RTEL1: variants seen among roughly 807,000 people sequenced by gnomAD.
RTEL1 encodes the protein regulator of telomere length.
In RTEL1, 86 loss-of-function variants were observed where a neutral mutation model predicts 162.2. The observed-to-expected ratio is 0.53, with a 90% CI of 0.45 to 0.63. The LOEUF is 0.63. RTEL1 is among the 30% of genes least tolerant of loss of function. The pLI, the probability that RTEL1 is intolerant of heterozygous loss-of-function variation, is 0.00. For synonymous variants in RTEL1, 958 were observed against 717.9 expected (o/e 1.33, Z -5.35); for missense variants, 1,941 against 1,750.2 (o/e 1.11, Z -1.95).
chr20:63,689,548 T>C lies in RTEL1; in HGVS notation c.1925T>C (p.Ile642Thr). 1 of 1,611,214 alleles carries C rather than the reference T, an allele frequency of 6.2e-7. No homozygotes were observed. The change falls in exon 23 of 35, where the codon ATT (isoleucine) becomes ACT (threonine). Residue 642 changes from isoleucine (I) to threonine (T), a missense_variant. Physicochemically the swap from Ile to Thr is moderately conservative, Grantham distance 89. Coordinates refer to ENST00000360203, the MANE Select transcript of RTEL1 (RefSeq NM_001283009.2). ...DFSDTNGRGV[I>T]VTGLPYPPRM... Reference sequence around the variant, plus strand: ...TCAGACACGAATGGCCGTGGTGTGATTGTCACGGGCCTCCCGTACCCCCCA... The same window carrying C: ...TCAGACACGAATGGCCGTGGTGTGACTGTCACGGGCCTCCCGTACCCCCCA...
At chr20:63,679,368 G>A (rs1381993793) in intron 12 of RTEL1, among the ~76,000 whole-genome samples, 1 of 152,170 alleles carries the variant, frequency 6.6e-6, no homozygotes, top group East Asian at 1.9e-4. Flanking sequence ...GTCCCCTCCT[G>A]TAGCTTCTGC....
chr20:63,675,071 C>G (rs950928295), intron 10 of RTEL1, among the ~76,000 whole-genome samples: 27 of 152,150 alleles, frequency 1.8e-4, no homozygotes, highest in African/African-American at 6.3e-4. Context: ...CCACGCCCAG[C>G]TAATTTTGTA....
chr20:63,681,281 C>T lies in RTEL1; in HGVS notation c.1191+562C>T, dbSNP rs6122145. On this transcript the variant is annotated intron_variant, in intron 14 of 34. Transcript: ENST00000360203. ...CTATGGCAGCACCTGCTTTCCCTGG[C>T]GTAGAGGTGCTTGTCCGGTTTGTGG... 3.6e-5 allele frequency: 35 copies of T among 985,390 alleles called. No homozygotes were observed. The East Asian group carries it at 3.5e-3, about 99-fold the overall frequency. 61.0% of individuals were successfully genotyped at this position (985,390 alleles called of 1,614,324 possible). A position where few individuals can be genotyped will look rare whatever the true frequency, so the allele number is the denominator to read the frequency against.
At position 63,666,065 on chromosome 20, in the gene RTEL1, C is replaced by CGGAA; in HGVS notation, c.602_605dup (p.Ser202ArgfsTer41). 1.2e-6 allele frequency: 2 copies of CGGAA among 1,614,098 alleles called. No homozygotes were observed. Among genetic ancestry groups the CGGAA allele is most frequent in the Non-Finnish European group, 1.7e-6 (2 of 1,179,980 alleles). ...TGGACATTGAGGACTTGGTCAAGAG[C>CGGAA]GGAAGCAAGCACAGGTGAGACCCCT... On this transcript the variant is annotated frameshift_variant, in exon 7 of 35. Transcript: ENST00000360203. LOFTEE classifies it high-confidence loss of function.
intron 10 of RTEL1, among the ~76,000 whole-genome samples, chr20:63,674,979 C>T (rs1472291664): frequency 6.6e-6 from 1 of 151,570 alleles, no homozygotes; most frequent in Non-Finnish European, 1.5e-5. Context: ...GCGATCTTGG[C>T]TCACTGCAAC....
chr20:63,672,203 C>G (rs1403781929), intron 8 of RTEL1, among the ~76,000 whole-genome samples: 1 of 152,158 alleles, frequency 6.6e-6, no homozygotes, highest in African/African-American at 2.4e-5. Context: ...TTGTAAATCT[C>G]CCTGAGTGGG....
At chr20:63,659,545 A>G in intron 2 of RTEL1, 41 bp downstream of exon 2, 1 of 1,448,680 alleles carries the variant, frequency 6.9e-7, no homozygotes, top group Non-Finnish European at 9.7e-7. Context: ...GGGTGGGTGG[A>G]GCTTCAGCCA....
At chr20:63,693,088 C>A (rs1406925689) in intron 29 of RTEL1, 55 bp from the exon 30 acceptor site, 1 of 1,611,258 alleles carries the variant, frequency 6.2e-7, no homozygotes. Flanking sequence ...CCAAGGTGGT[C>A]TCTGTTCTCT....
chr20:63,694,943 T>TG lies in RTEL1; in HGVS notation c.3313dup (p.Ala1105GlyfsTer82). ...TGGCTGTGTTGGCCGCCCTGACCAC[T>TG]GCAAAGCCAGAGGACTTCCCCCTGC... On this transcript the variant is annotated frameshift_variant, in exon 32 of 35. Coordinates refer to ENST00000360203, the MANE Select transcript of RTEL1 (RefSeq NM_001283009.2). LOFTEE classifies it high-confidence loss of function. 1 of 1,612,320 alleles carries TG rather than the reference T, an allele frequency of 6.2e-7. No individual in the cohort carries two copies.
chr20:63,691,706 G>C (rs1488528646), intron 27 of RTEL1, 36 bp from the exon 28 acceptor site: 2 of 1,568,614 alleles, frequency 1.3e-6, no homozygotes, highest in Non-Finnish European at 8.8e-7. Flanking sequence ...TGTGTGGTTG[G>C]GGTCTGTGTG....
Position 63,689,875 on chromosome 20 carries a change from G to A in RTEL1, c.2141+10G>A. 6.2e-7 allele frequency: 1 copy of A among 1,602,418 alleles called. No individual in the cohort carries two copies. Among genetic ancestry groups the A allele is most frequent in the Non-Finnish European group, 8.5e-7 (1 of 1,176,340 alleles). ...TCCTCTGTGACCACAGGTGCGTGCA[G>A]TCCGGTGGCAGGCGCGGCGCCAGGG... On this transcript the variant is annotated intron_variant, in intron 24 of 34. Coordinates refer to ENST00000360203, the MANE Select transcript of RTEL1 (RefSeq NM_001283009.2).
At chr20:63,684,700 T>G (rs1211436906) in intron 14 of RTEL1, among the ~76,000 whole-genome samples, 1 of 152,016 alleles carries the variant, frequency 6.6e-6, no homozygotes, top group Non-Finnish European at 1.5e-5. Flanking sequence ...CTCGAACTCC[T>G]GACCTCAGGT....
chr20:63,695,753 G>A (rs1342974344), intron 34 of RTEL1, 25 bp from the exon 35 acceptor site: 1 of 1,590,418 alleles, frequency 6.3e-7, no homozygotes, highest in South Asian at 1.1e-5. Flanking sequence ...TGGCAGACGT[G>A]TGCAGTGGGC....
At chr20:63,674,650 A>G (rs2090313008) in intron 10 of RTEL1, among the ~76,000 whole-genome samples, 1 of 151,876 alleles carries the variant, frequency 6.6e-6, no homozygotes, top group African/African-American at 2.4e-5. Context: ...CCGGTGCCCC[A>G]GATGACTCCA....
intron 12 of RTEL1, 36 bp from the exon 13 acceptor site, chr20:63,679,813 C>G: frequency 3.2e-6 from 5 of 1,548,102 alleles, no homozygotes; most frequent in Non-Finnish European, 4.4e-6. Context: ...TCTGGTCCCC[C>G]CGCCAGGCTC....
chr20:63,694,861 G>C lies in RTEL1; in HGVS notation c.3230G>C (p.Ser1077Thr). The C allele has an allele frequency of 6.2e-7, 1 of 1,612,656 alleles. No individual in the cohort carries two copies. The highest frequency in any genetic ancestry group is 8.5e-7 in the Non-Finnish European group (1 of 1,179,854). ...ARRALGSAGC[S>T]QLLAALTAYK... ...AGGGCCCTGGGGTCCGCGGGCTGTA[G>C]CCAACTCTTGGCAGCGCTGACAGCC... Residue 1077 changes from serine to threonine, a missense_variant, in exon 32 of 35, where the codon AGC becomes ACC. By Grantham distance (58) the Ser-to-Thr change is moderately conservative. Transcript: ENST00000360203.
At chr20:63,693,600 ACCACCACCACCTCCACCT>A (rs2090867180) in intron 30 of RTEL1, among the ~76,000 whole-genome samples, 2 of 50,150 alleles carry the variant, frequency 4.0e-5, no homozygotes, top group East Asian at 3.6e-4. Flanking sequence ...CTCCACCTCC[ACCACCACCACCTCCACCT>A]CCACCACCAC....
chr20:63,673,861 C>A lies in RTEL1; in HGVS notation c.766-79C>A. 4.0e-6 allele frequency: 6 copies of A among 1,492,802 alleles called. No individual in the cohort carries two copies. The South Asian group carries it at 7.9e-5, about 20-fold the overall frequency. 92.5% of individuals were successfully genotyped at this position (1,492,802 alleles called of 1,614,324 possible). On this transcript the variant is annotated intron_variant, in intron 9 of 34. Coordinates refer to ENST00000360203, the MANE Select transcript of RTEL1 (RefSeq NM_001283009.2). The stretch of plus-strand genomic sequence containing the variant: ...GGCTGTCAGCCTCCTGTGCCTTCTG[C>A]ACCCCCACCCCATTTCTGCTTTCTG...
rs551164356 is a variant in RTEL1, at chr20:63,683,088, C to T, written c.1191+2369C>T. On this transcript the variant is annotated intron_variant, in intron 14 of 34. Coordinates refer to ENST00000360203, the MANE Select transcript of RTEL1 (RefSeq NM_001283009.2). ...AAGTGATCCTCTTGCCTCAGCCACC[C>T]GAGGAGCTGTGAACACAGGTGTGCA... Among the ~76,000 whole-genome samples the T allele has an allele frequency of 3.9e-5, 6 of 152,276 alleles. No individual in the cohort carries two copies. The South Asian group carries it at 6.2e-4, about 16-fold the overall frequency.
Sources: gnomAD v4.1 joint callset for allele counts (sites outside exome capture counted in the v4.1 genomes callset) on GRCh38, gnomAD v4.1.1 for gene constraint, MANE v1.5 for transcripts, NCBI Gene and HGNC (gene_info 2026-07-23, HGNC 2026-07-21) for gene names.